Variants in CAMTA1 observed in about 807,000 individuals in gnomAD.
CAMTA1 encodes calmodulin binding transcription activator 1, also known as calmodulin-binding transcription activator 1.
CAMTA1 carries 27 observed loss-of-function variants against 170.9 expected under a neutral mutation model. The ratio of observed to expected loss-of-function variants is 0.16; its 90% confidence interval spans 0.12 to 0.22. The LOEUF (loss-of-function observed/expected upper bound fraction) is 0.22. Among genes scored for constraint, CAMTA1 ranks in the 10% least tolerant of loss-of-function variants. The pLI is 1.00. For synonymous variants in CAMTA1, 833 were observed against 891.5 expected (o/e 0.93, Z 1.17); for missense variants, 1,619 against 2,217.2 (o/e 0.73, Z 5.42).
intron 5 of CAMTA1, among the ~76,000 whole-genome samples, chr1:7,358,137 G>C (rs899052284): frequency 6.6e-6 from 1 of 152,190 alleles, no homozygotes; most frequent in African/African-American, 2.4e-5. Flanking sequence ...CAAATAAAGA[G>C]GTTAATTGGA....
In CAMTA1 at chr1:7,664,977, G is replaced by A. The variant is rs774395569; in HGVS notation, c.2430G>A (p.Ala810=). ...CGCTCTCACAGTCAGAGGACGGGGC[G>A]CGGGCCCCCTTCACCCAGGCAGAGA... ...STALSQSEDG[A]RAPFTQAEMC... is the part of the protein sequence containing the mutation. The change falls in exon 9 of 23, where the codon GCG becomes GCA. Residue 810 remains alanine (A), a synonymous_variant. Coordinates refer to ENST00000303635, the MANE Select transcript of CAMTA1 (RefSeq NM_015215.4). 24 of 1,610,692 alleles carry A rather than the reference G, an allele frequency of 1.5e-5. No individual in the cohort carries two copies. The highest frequency in any genetic ancestry group is 3.3e-5 in the Admixed American group (2 of 59,900).
intron 3 of CAMTA1, chr1:6,888,318 T>C (rs1359098754): frequency 1.1e-6 from 1 of 919,660 alleles, no homozygotes; most frequent in Non-Finnish European, 1.3e-6. Flanking sequence ...AAAGCTTTTG[T>C]TGTGATTGAA....
intron 7 of CAMTA1, among the ~76,000 whole-genome samples, chr1:7,653,474 G>A (rs1487569030): frequency 6.6e-6 from 1 of 152,064 alleles, no homozygotes. Context: ...TTTTGCCAAG[G>A]CTGGTCTCAA....
intron 3 of CAMTA1, among the ~76,000 whole-genome samples, chr1:6,888,660 GAAA>G (rs1673853483): frequency 6.6e-6 from 1 of 152,192 alleles, no homozygotes; most frequent in African/African-American, 2.4e-5. Flanking sequence ...AGATATAGAG[GAAA>G]CTTGGAGGCG....
intron 5 of CAMTA1, among the ~76,000 whole-genome samples, chr1:7,334,710 T>G (rs1465947852): frequency 6.6e-6 from 1 of 152,176 alleles, no homozygotes; most frequent in Non-Finnish European, 1.5e-5. Flanking sequence ...TAAAATGACC[T>G]ATAACTGGCA....
chr1:7,024,872 A>G (rs1171079469), intron 3 of CAMTA1, among the ~76,000 whole-genome samples: 1 of 152,182 alleles, frequency 6.6e-6, no homozygotes, highest in African/African-American at 2.4e-5. Context: ...AGTTCTGCTG[A>G]TTTTTTATAT....
intron 3 of CAMTA1, among the ~76,000 whole-genome samples, chr1:6,843,220 T>C (rs1204011180): frequency 6.6e-6 from 1 of 152,224 alleles, no homozygotes; most frequent in African/African-American, 2.4e-5. Context: ...TTTTTTCTTC[T>C]TTTCCTCCCA....
In CAMTA1 at chr1:7,434,451, C is replaced by CCATT. The variant is rs34014428; in HGVS notation, c.439-33352_439-33349dup. Among the ~76,000 whole-genome samples, 107 of 150,950 alleles carry CCATT rather than the reference C, an allele frequency of 7.1e-4. 1 individual carries two copies. The highest frequency in any genetic ancestry group is 5.3e-3 in the South Asian group (25 of 4,740). ...ACCCCTGGGGCTTAGGAGGAAAGCA[C>CCATT]CATTCATTCATTCATTCATTCATTC... On this transcript the variant is annotated intron_variant, in intron 5 of 22. Coordinates refer to ENST00000303635, the MANE Select transcript of CAMTA1 (RefSeq NM_015215.4).
chr1:7,764,156 G>A (rs1023154805), intron 22 of CAMTA1, among the ~76,000 whole-genome samples: 6 of 152,158 alleles, frequency 3.9e-5, no homozygotes, highest in Admixed American at 1.3e-4. Flanking sequence ...GGGACCTATA[G>A]TGATGTACAA....
chr1:7,145,644 G>A (rs879761538), intron 4 of CAMTA1, among the ~76,000 whole-genome samples: 2 of 152,102 alleles, frequency 1.3e-5, no homozygotes, highest in Non-Finnish European at 2.9e-5. Flanking sequence ...CTTAGTGTCC[G>A]GAACCCTGGG....
intron 4 of CAMTA1, among the ~76,000 whole-genome samples, chr1:7,096,227 C>G (rs1254889961): frequency 6.6e-6 from 1 of 152,166 alleles, no homozygotes; most frequent in Non-Finnish European, 1.5e-5. Context: ...ACTCCAGTGG[C>G]TCAGAGAGAG....
In CAMTA1 at chr1:7,113,962, G is replaced by A. The variant is rs946235529; in HGVS notation, c.302+22591G>A. Among the ~76,000 whole-genome samples, 44 of 152,134 alleles carry A rather than the reference G, an allele frequency of 2.9e-4. No homozygotes were observed. Among genetic ancestry groups the A allele is most frequent in the Non-Finnish European group, 8.8e-5 (6 of 68,036 alleles). ...TACATCATCGGCAAGCCACTGTTTCGGATTCTTCAGGGCTGGCCTTCCCTC... is the reference window on the plus strand; with the variant it reads ...TACATCATCGGCAAGCCACTGTTTCAGATTCTTCAGGGCTGGCCTTCCCTC... On this transcript the variant is annotated intron_variant, in intron 4 of 22. Transcript: ENST00000303635. This position sits in a 1 kb window ranked among gnomAD's most constrained non-coding sequence, Gnocchi z 4.5.
chr1:7,740,467 T>A (rs1447160629), intron 16 of CAMTA1, among the ~76,000 whole-genome samples: 1 of 151,914 alleles, frequency 6.6e-6, no homozygotes, highest in Non-Finnish European at 1.5e-5. Context: ...TAGAACTATA[T>A]AAACATAAAT....
chr1:7,520,451 G>T (rs1320596262), intron 6 of CAMTA1, among the ~76,000 whole-genome samples: 1 of 150,802 alleles, frequency 6.6e-6, no homozygotes, highest in South Asian at 2.1e-4. Context: ...GGGCCAGCAG[G>T]ATACAGCCTT....
intron 7 of CAMTA1, among the ~76,000 whole-genome samples, chr1:7,647,741 G>GT (rs2095819245): frequency 6.6e-6 from 1 of 152,200 alleles, no homozygotes; most frequent in Non-Finnish European, 1.5e-5. Flanking sequence ...GCCTGACTAG[G>GT]AACAGGTATC....
chr1:7,597,453 G>A (rs2095408705), intron 6 of CAMTA1, among the ~76,000 whole-genome samples: 1 of 152,196 alleles, frequency 6.6e-6, no homozygotes, highest in Admixed American at 6.5e-5. Flanking sequence ...AGAGAGCTTG[G>A]CCCTGAACTT....
chr1:7,647,130 G>A (rs1433186491), intron 7 of CAMTA1, among the ~76,000 whole-genome samples: 5 of 152,186 alleles, frequency 3.3e-5, no homozygotes, highest in Non-Finnish European at 7.4e-5. Context: ...GGCTGGGAGA[G>A]GTCGCAGAGC....
intron 3 of CAMTA1, among the ~76,000 whole-genome samples, chr1:6,879,980 G>A (rs1404550638): frequency 6.6e-6 from 1 of 151,984 alleles, no homozygotes; most frequent in Non-Finnish European, 1.5e-5. Flanking sequence ...ACGGCATTAT[G>A]CCTCGCTTCA....
intron 5 of CAMTA1, among the ~76,000 whole-genome samples, chr1:7,447,425 G>A (rs887801072): frequency 6.6e-6 from 1 of 151,332 alleles, no homozygotes; most frequent in African/African-American, 2.4e-5. Flanking sequence ...GAGTGGGGGC[G>A]GGGTGGGGGG....
Sources: allele counts gnomAD v4.1 joint callset (sites outside exome capture counted in the v4.1 genomes callset), GRCh38; gene constraint gnomAD v4.1.1; non-coding constraint Gnocchi (gnomAD v3.1); transcripts MANE v1.5; gene names NCBI Gene and HGNC (gene_info 2026-07-23, HGNC 2026-07-21).